The following EPHB1 variants were observed in gnomAD, a reference collection of about 807,000 sequenced individuals.
EPHB1 encodes ephrin type-B receptor 1.
EPHB1 carries 30 observed loss-of-function variants against 94.4 expected under a neutral mutation model. The ratio of observed to expected loss-of-function variants is 0.32; its 90% CI spans 0.24 to 0.43. EPHB1 has a LOEUF of 0.43. Among genes scored for constraint, EPHB1 ranks in the 20% least tolerant of loss-of-function variants. The pLI, the probability that EPHB1 is intolerant of heterozygous loss-of-function variation, is 1.00. For synonymous variants in EPHB1, 522 were observed against 489.1 expected, an observed-to-expected ratio of 1.07 and a Z score of -0.89; for missense variants, 1,055 against 1,308.3, an observed-to-expected ratio of 0.81 and a Z score of 2.99.
intron 9 of EPHB1, among the ~76,000 whole-genome samples, chr3:135,176,340 C>G (rs777362213): frequency 7.9e-5 from 12 of 152,304 alleles, no homozygotes; most frequent in Non-Finnish European, 1.6e-4. Context: ...TTCAATGTGA[C>G]AATGCTTTCC....
At chr3:134,866,819 T>C (rs1002740316) in intron 1 of EPHB1, among the ~76,000 whole-genome samples, 3 of 152,196 alleles carry the variant, frequency 2.0e-5, no homozygotes, top group African/African-American at 7.2e-5. Flanking sequence ...GAGATTCACA[T>C]ATGGGCCTAG....
At position 134,903,768 on chromosome 3, in the gene EPHB1, G is replaced by A. The variant is rs983883274; in HGVS notation, c.59-22048G>A. 8.5e-5 allele frequency among the ~76,000 whole-genome samples: 13 copies of A among 152,288 alleles called. No homozygotes were observed. The South Asian group carries it at 2.1e-3, about 24-fold the overall frequency. ...ATAGATTAACCAGACAGAGTTGGAA[G>A]GAAAGATTTGTGAAGTTATTAAAAA... On this transcript the variant is annotated intron_variant, in intron 1 of 15. Coordinates refer to ENST00000398015, the MANE Select transcript of EPHB1 (RefSeq NM_004441.5).
At chr3:134,949,109 C>T (rs11719020) in intron 2 of EPHB1, among the ~76,000 whole-genome samples, 74,237 of 151,420 alleles carry the variant, frequency 0.49, 18,918 homozygotes, top group African/African-American at 0.61. Flanking sequence ...AAAGGTGGAG[C>T]GCTGGGTGAT....
chr3:135,043,059 C>T (rs1363194716), intron 3 of EPHB1, among the ~76,000 whole-genome samples: 1 of 151,994 alleles, frequency 6.6e-6, no homozygotes, highest in East Asian at 1.9e-4. Flanking sequence ...TATGGCTAGT[C>T]TTGAACTCCT....
At chr3:135,139,412 T>C (rs1252891609) in intron 5 of EPHB1, among the ~76,000 whole-genome samples, 1 of 152,086 alleles carries the variant, frequency 6.6e-6, no homozygotes, top group Non-Finnish European at 1.5e-5. Context: ...TCTTTATGAC[T>C]GCTCACCAAG....
At chr3:135,130,338 A>G (rs1186403821) in intron 4 of EPHB1, among the ~76,000 whole-genome samples, 2 of 152,208 alleles carry the variant, frequency 1.3e-5, no homozygotes, top group African/African-American at 4.8e-5. Context: ...AAAGAAGGTA[A>G]GGATTGAATT....
At chr3:134,917,839 G>T (rs1328152594) in intron 1 of EPHB1, among the ~76,000 whole-genome samples, 1 of 152,158 alleles carries the variant, frequency 6.6e-6, no homozygotes, top group African/African-American at 2.4e-5. Context: ...TTTTATACTG[G>T]CAAAGACAAT....
intron 12 of EPHB1, among the ~76,000 whole-genome samples, chr3:135,207,503 A>AT (rs1317242355): frequency 2.0e-5 from 3 of 152,348 alleles, no homozygotes; most frequent in East Asian, 3.9e-4. Context: ...TTAAGTGAGG[A>AT]CTGGGGACAT....
At position 134,951,347 on chromosome 3, in the gene EPHB1, GTGCCTGTGGCC is replaced by G; in HGVS notation, c.124-20_124-10del. ...CTCTATTTTGTGTTTTTGCATGTGTGTGCCTGTGGCCTGCTATGTACAGTGGGAAGAAGTCA... is the reference window on the plus strand; with the variant it reads ...CTCTATTTTGTGTTTTTGCATGTGTGTGCTATGTACAGTGGGAAGAAGTCA... On this transcript the variant is annotated splice_polypyrimidine_tract_variant and intron_variant, in intron 2 of 15. Transcript: ENST00000398015. This position sits in a 1 kb window ranked among gnomAD's most constrained non-coding sequence, Gnocchi z 4.5. The G allele has an allele frequency of 1.3e-6, 2 of 1,517,378 alleles. No homozygotes were observed. Among genetic ancestry groups the G allele is most frequent in the Non-Finnish European group, 1.8e-6 (2 of 1,132,078 alleles). The allele number at this position is 1,517,378 out of a possible 1,614,324, so 94.0% of individuals were successfully genotyped here.
At chr3:135,245,508 G>T in intron 13 of EPHB1, among the ~76,000 whole-genome samples, 1 of 55,112 alleles carries the variant, frequency 1.8e-5, no homozygotes, top group Non-Finnish European at 3.6e-5. Context: ...TACCAGAACA[G>T]TCTTCAAAAA....
At chr3:135,189,319 A>G (rs1942403359) in intron 10 of EPHB1, among the ~76,000 whole-genome samples, 1 of 152,222 alleles carries the variant, frequency 6.6e-6, no homozygotes, top group Admixed American at 6.5e-5. Flanking sequence ...TTGGCAGTTC[A>G]CTAATTCATT....
chr3:135,148,723 A>G (rs754158857), intron 5 of EPHB1, among the ~76,000 whole-genome samples: 2 of 152,164 alleles, frequency 1.3e-5, no homozygotes, highest in Non-Finnish European at 2.9e-5. Flanking sequence ...ACTATCTTGG[A>G]TCTGTCTGCT....
intron 1 of EPHB1, among the ~76,000 whole-genome samples, chr3:134,797,464 C>T (rs936708696): frequency 2.0e-5 from 3 of 152,224 alleles, no homozygotes; most frequent in Admixed American, 2.0e-4. Flanking sequence ...TCGGTCCGGC[C>T]CGCGGCTCTT....
chr3:134,861,651 G>A (rs1225829749), intron 1 of EPHB1, among the ~76,000 whole-genome samples: 1 of 151,192 alleles, frequency 6.6e-6, no homozygotes, highest in African/African-American at 2.5e-5. Flanking sequence ...AAGGAAACAG[G>A]GGGAGAAATC....
chr3:134,895,396 G>C lies in EPHB1; in HGVS notation c.59-30420G>C, dbSNP rs75480985. Among the ~76,000 whole-genome samples, 217 of 152,352 alleles carry C rather than the reference G, an allele frequency of 1.4e-3. 2 individuals carry two copies. In the East Asian group the frequency reaches 0.018, roughly 13 times the overall value. ...GTGGTCTTGGTGTCCTGTGCAGAAG[G>C]AGTGTGTAGGAGAGTGAGTGGCTAT... On this transcript the variant is annotated intron_variant, in intron 1 of 15. Transcript: ENST00000398015.
intron 12 of EPHB1, among the ~76,000 whole-genome samples, chr3:135,210,710 G>A (rs1196076238): frequency 6.6e-6 from 1 of 152,156 alleles, no homozygotes; most frequent in African/African-American, 2.4e-5. Flanking sequence ...GGCAGCTTTG[G>A]CCCTTCCATC....
At position 135,252,310 on chromosome 3, in the gene EPHB1, A is replaced by C. The variant is rs1201634828; in HGVS notation, c.2846+2819A>C. 9.3e-5 allele frequency among the ~76,000 whole-genome samples: 14 copies of C among 150,322 alleles called. No individual in the cohort carries two copies. The South Asian group carries it at 1.9e-3, about 21-fold the overall frequency. On this transcript the variant is annotated intron_variant, in intron 15 of 15. Coordinates refer to ENST00000398015, the MANE Select transcript of EPHB1 (RefSeq NM_004441.5). ...TACATGTGCCATGCTGGTGCGCTGC[A>C]CCCACTAACTCGTCATCTAGCATAA...
chr3:134,906,899 G>T (rs889632533), intron 1 of EPHB1, among the ~76,000 whole-genome samples: 1 of 152,236 alleles, frequency 6.6e-6, no homozygotes, highest in Non-Finnish European at 1.5e-5. Flanking sequence ...TGTTCAGTTT[G>T]TGTAATGAGA....
intron 12 of EPHB1, among the ~76,000 whole-genome samples, chr3:135,234,858 G>C (rs902924718): frequency 1.3e-5 from 2 of 152,134 alleles, no homozygotes; most frequent in African/African-American, 4.8e-5. Context: ...CTCCCACTGG[G>C]TCCTTCATAC....
Sources: allele counts gnomAD v4.1 joint callset (sites outside exome capture counted in the v4.1 genomes callset), GRCh38; gene constraint gnomAD v4.1.1; non-coding constraint Gnocchi (gnomAD v3.1); transcripts MANE v1.5; gene names NCBI Gene and HGNC (gene_info 2026-07-23, HGNC 2026-07-21).